Variants in GALNT10 observed in about 807,000 individuals in gnomAD.
GALNT10 encodes GalNAc transferase 10.
GALNT10 carries 41 observed loss-of-function variants against 75.0 expected under a neutral mutation model. That is an observed-to-expected ratio of 0.55 (90% CI 0.43 to 0.71). GALNT10 has a LOEUF of 0.71. Ranked by LOEUF, GALNT10 falls within the 30% of genes least tolerant of loss-of-function variation. GALNT10 has a pLI of 0.00. For missense variants in GALNT10, 727 were observed against 818.5 expected (o/e 0.89, Z 1.36); for synonymous variants, 302 against 313.0 (o/e 0.96, Z 0.37).
In GALNT10 at chr5:154,327,233, A is replaced by C. The variant is rs55676607; in HGVS notation, c.402-2339A>C. 6.4e-3 allele frequency among the ~76,000 whole-genome samples: 968 copies of C among 152,070 alleles called. 4 individuals are homozygous for C. The highest frequency in any genetic ancestry group is 9.4e-3 in the Non-Finnish European group (639 of 68,028). On this transcript the variant is annotated intron_variant, in intron 3 of 11. Coordinates refer to ENST00000297107, the MANE Select transcript of GALNT10 (RefSeq NM_198321.4). ...CCTGTCTCAAAAAAATAAAAAATAA[A>C]ATATATTTGTAGTTCTGACCACTGG...
At chr5:154,287,809 C>T (rs1754133876) in intron 1 of GALNT10, among the ~76,000 whole-genome samples, 4 of 152,036 alleles carry the variant, frequency 2.6e-5, no homozygotes, top group Admixed American at 2.6e-4. Flanking sequence ...TCCAAACTCC[C>T]TTGTTTAAAC....
At chr5:154,218,394 T>G (rs1464441890) in intron 1 of GALNT10, among the ~76,000 whole-genome samples, 1 of 152,228 alleles carries the variant, frequency 6.6e-6, no homozygotes. Context: ...CCAGCCTCTG[T>G]GCTGTTTCCA....
rs925602830 is a variant in GALNT10 at position 154,416,713 on chromosome 5, G to C, written c.1654-101G>C. On this transcript the variant is annotated intron_variant, in intron 11 of 11. Transcript: ENST00000297107. The surrounding 1 kb of genome is among the most constrained non-coding windows in gnomAD (Gnocchi z 4.5). ...CAACAGGTGTATGAACAGCTAGTCA[G>C]TCAGTCACTTCCTCACTTTCTCATT... The C allele has an allele frequency of 3.0e-5, 26 of 855,436 alleles. 1 individual carries two copies. The South Asian group carries it at 3.9e-4, about 13-fold the overall frequency. The allele number at this position is 855,436 out of a possible 1,614,324, so 53.0% of individuals were successfully genotyped here.
chr5:154,337,874 C>G (rs1754968466), intron 4 of GALNT10: 1 of 1,159,882 alleles, frequency 8.6e-7, no homozygotes, highest in Admixed American at 1.7e-5. Context: ...CACTAGGTAT[C>G]TCTTGCTTTG....
At chr5:154,200,483 C>T (rs1167758289) in intron 1 of GALNT10, among the ~76,000 whole-genome samples, 2 of 152,198 alleles carry the variant, frequency 1.3e-5, no homozygotes, top group African/African-American at 2.4e-5. Context: ...TGCTAAAGCA[C>T]ATTGTATGTT....
At chr5:154,256,147 G>C (rs1753605768) in intron 1 of GALNT10, among the ~76,000 whole-genome samples, 1 of 152,058 alleles carries the variant, frequency 6.6e-6, no homozygotes, top group Non-Finnish European at 1.5e-5. Flanking sequence ...GAGTGACACT[G>C]CCTATTTAAG....
rs534924711 is a variant in GALNT10, at chr5:154,214,232, CA to C, written c.159+23218del. 2.1e-3 allele frequency among the ~76,000 whole-genome samples: 311 copies of C among 144,714 alleles called. 2 individuals are homozygous for C. The highest frequency in any genetic ancestry group is 1.9e-3 in the Non-Finnish European group (128 of 65,660). 94.9% of individuals were successfully genotyped at this position (144,714 alleles called of 152,430 possible). A position where few individuals can be genotyped will look rare whatever the true frequency, so the allele number is the denominator to read the frequency against. On this transcript the variant is annotated intron_variant, in intron 1 of 11. Coordinates refer to ENST00000297107, the MANE Select transcript of GALNT10 (RefSeq NM_198321.4). ...CAAAACAGCCTCCAAAAATCAAGCA[CA>C]AAAAAAAAAATCAGCCTCCAAAATA...
rs1402370041 is a variant in GALNT10, at chr5:154,416,530, G to A, written c.1654-284G>A. 7.7e-6 allele frequency among the ~76,000 whole-genome samples: 1 copy of A among 129,918 alleles called. No individual in the cohort carries two copies. 85.2% of individuals were successfully genotyped at this position (129,918 alleles called of 152,430 possible). ...ACACACACACACACGATAAGGACCAGTGAGGTCTGACAGGAGGTGGGCAGT... is the reference window on the plus strand; with the variant it reads ...ACACACACACACACGATAAGGACCAATGAGGTCTGACAGGAGGTGGGCAGT... On this transcript the variant is annotated intron_variant, in intron 11 of 11. Coordinates refer to ENST00000297107, the MANE Select transcript of GALNT10 (RefSeq NM_198321.4). This position sits in a 1 kb window ranked among gnomAD's most constrained non-coding sequence, Gnocchi z 4.5.
intron 1 of GALNT10, among the ~76,000 whole-genome samples, chr5:154,219,302 T>A (rs1325607752): frequency 6.6e-6 from 1 of 152,192 alleles, no homozygotes; most frequent in Non-Finnish European, 1.5e-5. Flanking sequence ...CACCCTGCCC[T>A]CCTCAGCCTG....
At chr5:154,263,002 T>C (rs1191320843) in intron 1 of GALNT10, among the ~76,000 whole-genome samples, 1 of 151,974 alleles carries the variant, frequency 6.6e-6, no homozygotes, top group Non-Finnish European at 1.5e-5. Flanking sequence ...CAATAACAAG[T>C]GTTGGCAAGG....
intron 2 of GALNT10, among the ~76,000 whole-genome samples, chr5:154,297,185 C>T (rs950434945): frequency 6.6e-6 from 1 of 152,182 alleles, no homozygotes; most frequent in Non-Finnish European, 1.5e-5. Context: ...TGGAGTATCA[C>T]ACTCCTTCTC....
intron 7 of GALNT10, among the ~76,000 whole-genome samples, chr5:154,393,574 C>T (rs151186232): frequency 3.9e-5 from 6 of 152,230 alleles, no homozygotes; most frequent in Non-Finnish European, 8.8e-5. Flanking sequence ...GGCTCATGCC[C>T]GTAATTCTCA....
chr5:154,222,854 A>T lies in GALNT10; in HGVS notation c.159+31829A>T, dbSNP rs572326204. ...ATTCTGCCTACAAGTCTTTTGTCTA[A>T]TATATGTTTTGTGAATATATTCTCC... is the stretch of plus-strand genomic sequence containing the variant. On this transcript the variant is annotated intron_variant, in intron 1 of 11. Transcript: ENST00000297107. Among the ~76,000 whole-genome samples the T allele has an allele frequency of 4.1e-4, 62 of 152,304 alleles. 1 individual carries two copies. The South Asian group carries it at 0.011, about 27-fold the overall frequency.
chr5:154,245,806 C>T (rs1036169524), intron 1 of GALNT10, among the ~76,000 whole-genome samples: 4 of 91,834 alleles, frequency 4.4e-5, no homozygotes, highest in Non-Finnish European at 9.4e-5. Flanking sequence ...ATATCTTAAG[C>T]GCTTTTTTTT....
chr5:154,243,034 A>G (rs1210929980), intron 1 of GALNT10, among the ~76,000 whole-genome samples: 1 of 152,202 alleles, frequency 6.6e-6, no homozygotes, highest in Non-Finnish European at 1.5e-5. Flanking sequence ...GGTTCACATT[A>G]TAGCTCTGCC....
At chr5:154,321,468 C>A (rs925123545) in intron 3 of GALNT10, among the ~76,000 whole-genome samples, 7 of 152,042 alleles carry the variant, frequency 4.6e-5, no homozygotes, top group Non-Finnish European at 8.8e-5. Flanking sequence ...CCACTACACC[C>A]GGCTAATTGT....
chr5:154,233,763 G>A (rs948562278), intron 1 of GALNT10, among the ~76,000 whole-genome samples: 6 of 152,178 alleles, frequency 3.9e-5, no homozygotes, highest in African/African-American at 9.7e-5. Context: ...AGACAGGGCC[G>A]CCTTCATAGC....
chr5:154,354,745 T>C (rs1260442229), intron 4 of GALNT10, among the ~76,000 whole-genome samples: 3 of 152,196 alleles, frequency 2.0e-5, no homozygotes, highest in Non-Finnish European at 4.4e-5. Flanking sequence ...TTGTGTCTAG[T>C]ACGTCTTTAT....
chr5:154,385,332 G>A (rs1025089860), intron 6 of GALNT10, among the ~76,000 whole-genome samples: 1 of 152,132 alleles, frequency 6.6e-6, no homozygotes, highest in Non-Finnish European at 1.5e-5. Flanking sequence ...CACGGTGCCA[G>A]GCGGACTTCC....
Sources: gnomAD v4.1 joint callset for allele counts (sites outside exome capture counted in the v4.1 genomes callset) on GRCh38, gnomAD v4.1.1 for gene constraint, Gnocchi (gnomAD v3.1) non-coding constraint, MANE v1.5 for transcripts, NCBI Gene and HGNC (gene_info 2026-07-23, HGNC 2026-07-21) for gene names.